The following HIVEP3 variants were observed in gnomAD, a reference collection of about 807,000 sequenced individuals.
The protein encoded by HIVEP3 is transcription factor HIVEP3.
A neutral mutation model predicts 152.8 loss-of-function variants in HIVEP3; 49 were observed. The observed-to-expected ratio is 0.32, with a 90% confidence interval of 0.26 to 0.41. The LOEUF (loss-of-function observed/expected upper bound fraction) is 0.41, where lower values mean the gene tolerates loss of function less well. Among genes scored for constraint, HIVEP3 ranks in the 10% least tolerant of loss-of-function variants. The probability of loss-of-function intolerance (pLI) is 1.00; values close to 1 mark genes in which losing one functional copy is unlikely to be tolerated. For synonymous variants in HIVEP3, 1,269 were observed against 1,289.0 expected (o/e 0.98, Z 0.33); for missense variants, 2,790 against 3,103.3 (o/e 0.90, Z 2.40).
intron 1 of HIVEP3, among the ~76,000 whole-genome samples, chr1:41,836,777 G>C (rs1192659677): frequency 6.6e-6 from 1 of 152,200 alleles, no homozygotes; most frequent in African/African-American, 2.4e-5. Flanking sequence ...ACCCACCCAT[G>C]TCTAAACCCC....
intron 1 of HIVEP3, among the ~76,000 whole-genome samples, chr1:41,956,523 A>C (rs1645141351): frequency 6.6e-6 from 1 of 152,238 alleles, no homozygotes; most frequent in East Asian, 1.9e-4. Context: ...CAGCCATGCT[A>C]ATGGAGCAGC....
At chr1:41,820,806 G>A (rs1285097256) in intron 1 of HIVEP3, among the ~76,000 whole-genome samples, 4 of 152,170 alleles carry the variant, frequency 2.6e-5, no homozygotes, top group Non-Finnish European at 5.9e-5. Flanking sequence ...TTTGCTCACG[G>A]CTAAATCCCC....
intron 1 of HIVEP3, among the ~76,000 whole-genome samples, chr1:41,894,732 C>T (rs1417078137): frequency 2.0e-5 from 3 of 152,134 alleles, no homozygotes; most frequent in Non-Finnish European, 4.4e-5. Flanking sequence ...AAGGTTGCTG[C>T]GAATGACATC....
In HIVEP3 at chr1:41,513,435, C is replaced by A. The variant is rs756518938; in HGVS notation, c.5786G>T (p.Cys1929Phe). The A allele has an allele frequency of 1.2e-6, 2 of 1,612,270 alleles. No individual in the cohort carries two copies. The highest frequency in any genetic ancestry group is 8.5e-7 in the Non-Finnish European group (1 of 1,179,690). ...CGGCATGCTCTGGCTGGACATGGAG[C>A]AGCTGCTGGCTGTCAGGCGCTCAGC... ...SEAERLTASSCSMSSQSMPGL... is the reference protein window; with the variant it reads ...SEAERLTASSFSMSSQSMPGL... Residue 1929 changes from cysteine to phenylalanine, a missense_variant, in exon 8 of 9, where the codon TGC becomes TTC. Coordinates refer to ENST00000372583, the MANE Select transcript of HIVEP3 (RefSeq NM_024503.5).
chr1:41,633,985 G>A (rs1054857432), intron 2 of HIVEP3, among the ~76,000 whole-genome samples: 1 of 152,160 alleles, frequency 6.6e-6, no homozygotes, highest in Non-Finnish European at 1.5e-5. Context: ...TTTGGTATCT[G>A]CATCATTTAC....
chr1:41,821,818 G>A (rs1642611650), intron 1 of HIVEP3, among the ~76,000 whole-genome samples: 1 of 152,218 alleles, frequency 6.6e-6, no homozygotes, highest in African/African-American at 2.4e-5. Context: ...GGCAGCCTCT[G>A]TCTACATCCT....
At chr1:41,727,599 C>G (rs552039345) in intron 1 of HIVEP3, among the ~76,000 whole-genome samples, 1 of 152,232 alleles carries the variant, frequency 6.6e-6, no homozygotes, top group Admixed American at 6.5e-5. Flanking sequence ...AGGGGCGCGG[C>G]GCCGCCGGAG....
intron 2 of HIVEP3, among the ~76,000 whole-genome samples, chr1:41,654,246 G>GT (rs1255565804): frequency 6.6e-6 from 1 of 152,218 alleles, no homozygotes; most frequent in Non-Finnish European, 1.5e-5. Flanking sequence ...CGTGGGGGCA[G>GT]TCCCTGGGGA....
intron 1 of HIVEP3, among the ~76,000 whole-genome samples, chr1:41,807,037 A>ACTCTCTG (rs1389261216): frequency 1.3e-5 from 2 of 151,952 alleles, no homozygotes; most frequent in Non-Finnish European, 2.9e-5. Flanking sequence ...CAGCCCACCT[A>ACTCTCTG]CGGCTCTCCT....
intron 1 of HIVEP3, among the ~76,000 whole-genome samples, chr1:41,967,624 A>G (rs1358905796): frequency 1.3e-5 from 2 of 152,216 alleles, no homozygotes; most frequent in Non-Finnish European, 2.9e-5. Flanking sequence ...TCCTAACATC[A>G]CAACTAAAAA....
At chr1:42,021,477 G>A (rs1190459909) in intron 1 of HIVEP3, among the ~76,000 whole-genome samples, 1 of 152,140 alleles carries the variant, frequency 6.6e-6, no homozygotes, top group African/African-American at 2.4e-5. Context: ...TAGGGTAAGG[G>A]GGGGTTGGGA....
In HIVEP3 at chr1:41,513,750, C is replaced by T. The variant is rs568487320; in HGVS notation, c.5471G>A (p.Gly1824Glu). 1.9e-6 allele frequency: 3 copies of T among 1,552,430 alleles called. No homozygotes were observed. Among genetic ancestry groups the T allele is most frequent in the African/African-American group, 2.7e-5 (2 of 73,322 alleles). Residue 1824 changes from glycine to glutamate, a missense_variant and splice_region_variant, in exon 8 of 9, where the codon GGA (glycine) becomes GAA (glutamate). By Grantham distance (98) the Gly-to-Glu change is moderately conservative. Transcript: ENST00000372583. ...GVLEELEAEE[G>E]TSDDLFQDSE... ...GTCCTGGAACAGGTCGTCACTGGTT[C>T]CTGAGGGCAAACACAGAAGACCCAA...
rs1476042817 is a variant in HIVEP3, at chr1:41,742,160, ATCCATCCATCCACCCATCCACCTG to A, written c.-800-41189_-800-41166del. On this transcript the variant is annotated intron_variant, in intron 1 of 8. Coordinates refer to ENST00000372583, the MANE Select transcript of HIVEP3 (RefSeq NM_024503.5). ...ATCTTATCCACCCAACCATCTGTCC[ATCCATCCATCCACCCATCCACCTG>A]TCCATCCATACGCTCATCTTTTCTT... is the stretch of plus-strand genomic sequence containing the variant. Among the ~76,000 whole-genome samples the A allele has an allele frequency of 2.6e-5, 4 of 152,222 alleles. No homozygotes were observed. The East Asian group carries it at 5.8e-4, about 22-fold the overall frequency.
chr1:41,668,310 A>G (rs1262237559), intron 2 of HIVEP3, among the ~76,000 whole-genome samples: 4 of 152,364 alleles, frequency 2.6e-5, no homozygotes, highest in Non-Finnish European at 1.5e-5. Context: ...GCTGCCGAAG[A>G]CATGGGCGAG....
intron 6 of HIVEP3, among the ~76,000 whole-genome samples, chr1:41,523,172 G>A (rs1476008898): frequency 6.6e-6 from 1 of 152,200 alleles, no homozygotes; most frequent in Admixed American, 6.5e-5. Context: ...ATAAAATCTC[G>A]ACTGGCTGCA....
At chr1:41,829,418 G>A (rs959848579) in intron 1 of HIVEP3, among the ~76,000 whole-genome samples, 6 of 151,986 alleles carry the variant, frequency 3.9e-5, no homozygotes, top group Non-Finnish European at 5.9e-5. Context: ...CCCTACCTCT[G>A]TTGCTTATCC....
At chr1:41,724,507 A>G (rs1646723920) in intron 1 of HIVEP3, among the ~76,000 whole-genome samples, 1 of 152,230 alleles carries the variant, frequency 6.6e-6, no homozygotes, top group Non-Finnish European at 1.5e-5. Flanking sequence ...TCAGAGAACA[A>G]AGACTTGGCT....
intron 1 of HIVEP3, among the ~76,000 whole-genome samples, chr1:41,702,511 T>C (rs138163463): frequency 2.8e-4 from 42 of 152,382 alleles, no homozygotes; most frequent in African/African-American, 8.7e-4. Context: ...ACTGTATTTT[T>C]AGTAATTCAT....
At chr1:41,763,859 T>C (rs1647843944) in intron 1 of HIVEP3, among the ~76,000 whole-genome samples, 1 of 152,202 alleles carries the variant, frequency 6.6e-6, no homozygotes, top group Admixed American at 6.5e-5. Context: ...AGAAAGGATG[T>C]AATTGCTACT....
Sources: allele counts gnomAD v4.1 joint callset (sites outside exome capture counted in the v4.1 genomes callset), GRCh38; gene constraint gnomAD v4.1.1; transcripts MANE v1.5; gene names NCBI Gene and HGNC (gene_info 2026-07-23, HGNC 2026-07-21).